TTC38: variants seen among roughly 807,000 people sequenced by gnomAD.
TTC38 encodes tetratricopeptide repeat protein 38.
TTC38 carries 64 observed loss-of-function variants against 64.2 expected under a neutral mutation model. The observed-to-expected ratio is 1.00, with a 90% confidence interval of 0.81 to 1.23. The LOEUF (loss-of-function observed/expected upper bound fraction) is 1.23. Ranked by LOEUF, TTC38 falls within the 50% of genes most tolerant of loss-of-function variation. The pLI is 0.00. For synonymous variants in TTC38, 254 were observed against 249.3 expected, an observed-to-expected ratio of 1.02 and a Z score of -0.18; for missense variants, 573 against 615.5, an observed-to-expected ratio of 0.93 and a Z score of 0.73.
chr22:46,268,168 CG>C lies in TTC38; in HGVS notation c.33+100del, dbSNP rs1936804188. The C allele has an allele frequency of 5.0e-6, 7 of 1,392,528 alleles. No homozygotes were observed. In the Admixed American group the frequency reaches 1.5e-4, roughly 30 times the overall value. 86.3% of individuals were successfully genotyped at this position (1,392,528 alleles called of 1,614,324 possible). A position where few individuals can be genotyped will look rare whatever the true frequency, so the allele number is the denominator to read the frequency against. ...AATAACGGGAGACATGGCCCGGGCG[CG>C]GGGCGTGGGGTGAGCCCTGGGCGCA... On this transcript the variant is annotated intron_variant, in intron 1 of 13. Coordinates refer to ENST00000381031, the MANE Select transcript of TTC38 (RefSeq NM_017931.4).
At position 46,271,778 on chromosome 22, in the gene TTC38, T is replaced by C. The variant is rs962098723; in HGVS notation, c.112-557T>C. On this transcript the variant is annotated intron_variant, in intron 2 of 13. Coordinates refer to ENST00000381031, the MANE Select transcript of TTC38 (RefSeq NM_017931.4). This position sits in a 1 kb window ranked among gnomAD's most constrained non-coding sequence, Gnocchi z 5.5. ...CACCCGCCTCAGTCTTCCAAAGTAC[T>C]GGGATTACAGGCGTGAGCCATCGCG... 6.6e-6 allele frequency among the ~76,000 whole-genome samples: 1 copy of C among 152,186 alleles called. No homozygotes were observed. The highest frequency in any genetic ancestry group is 6.5e-5 in the Admixed American group (1 of 15,274).
At chr22:46,268,629 A>C (rs572694414) in intron 2 of TTC38, 38 bp downstream of exon 2, 118 of 1,591,910 alleles carry the variant, frequency 7.4e-5, no homozygotes, top group Admixed American at 1.0e-4. Context: ...CCTTCTGTGG[A>C]GGTCTAGGGG....
At chr22:46,278,495 G>T in intron 5 of TTC38, 91 bp from the exon 6 acceptor site, 2 of 1,101,070 alleles carry the variant, frequency 1.8e-6, no homozygotes, top group African/African-American at 1.5e-5. Flanking sequence ...AGTGCTGGCA[G>T]TTAGGACCTC....
Position 46,281,081 on chromosome 22 carries a change from G to A in TTC38, c.616-518G>A, listed in dbSNP as rs756203338. ...GATAACCTCAGAGCCAGCTGTTTCT[G>A]CACCCAGAAAGCCACGTGTCCTCAC... On this transcript the variant is annotated intron_variant, in intron 6 of 13. Transcript: ENST00000381031. This position sits in a 1 kb window ranked among gnomAD's most constrained non-coding sequence, Gnocchi z 5.2. 1.3e-4 allele frequency among the ~76,000 whole-genome samples: 20 copies of A among 152,212 alleles called. No individual in the cohort carries two copies. Among genetic ancestry groups the A allele is most frequent in the Admixed American group, 6.5e-4 (10 of 15,280 alleles).
intron 13 of TTC38, 141 bp downstream of exon 13, chr22:46,290,040 T>A: frequency 1.3e-6 from 1 of 789,388 alleles, no homozygotes; most frequent in Non-Finnish European, 2.1e-6. Context: ...TGTGGGGAAT[T>A]TGGTTCTCCT....
Position 46,268,601 on chromosome 22 carries a change from C to T in TTC38, c.111+10C>T, listed in dbSNP as rs750289252. 6.8e-6 allele frequency: 11 copies of T among 1,613,492 alleles called. No homozygotes were observed. Among genetic ancestry groups the T allele is most frequent in the Non-Finnish European group, 9.3e-6 (11 of 1,179,896 alleles). The stretch of plus-strand genomic sequence containing the variant: ...TGCCACGCTGACCCAGGTATGCCTG[C>T]CGAGAGAGGCCGCGGCCCCTTCTGT... On this transcript the variant is annotated intron_variant, in intron 2 of 13. Coordinates refer to ENST00000381031, the MANE Select transcript of TTC38 (RefSeq NM_017931.4).
intron 10 of TTC38, among the ~76,000 whole-genome samples, chr22:46,287,540 C>G (rs1227751215): frequency 3.3e-5 from 5 of 152,250 alleles, no homozygotes; most frequent in Non-Finnish European, 7.3e-5. Context: ...TTTCTCAACT[C>G]CCTGGGATTG....
chr22:46,279,925 G>A, intron 6 of TTC38: 1 of 350,008 alleles, frequency 2.9e-6, no homozygotes. Context: ...GGTAGCTGTG[G>A]CAAACCAGAT....
Position 46,293,746 on chromosome 22 carries a change from CTG to C in TTC38, c.*864_*865del, listed in dbSNP as rs972224789. The C allele has an allele frequency of 7.2e-5, 11 of 152,546 alleles. No homozygotes were observed. Among genetic ancestry groups the C allele is most frequent in the African/African-American group, 2.6e-4 (11 of 41,590 alleles). The allele number at this position is 152,546 out of a possible 1,614,324, so 9.4% of individuals were successfully genotyped here. On this transcript the variant is annotated 3_prime_UTR_variant, in exon 14 of 14. Transcript: ENST00000381031. The surrounding 1 kb of genome is among the most constrained non-coding windows in gnomAD (Gnocchi z 6.6). ...GGAGCGGGTCCTGTGAGCGCCGCCT[CTG>C]TCTCCTGCTTCCCCACTGAACGCCT...
rs1295732507 is a variant in TTC38 at position 46,290,592 on chromosome 22, GGC to G, written c.1316+695_1316+696del. Among the ~76,000 whole-genome samples the G allele has an allele frequency of 5.0e-4, 76 of 151,280 alleles. 12 individuals carry two copies. Among genetic ancestry groups the G allele is most frequent in the African/African-American group, 1.8e-3 (73 of 40,894 alleles). Reference sequence around the variant, plus strand: ...GCTGGAGGGTGAGTGTTAGGAGGGTGGCGTGGCTGGAGGGTGAGTGTTAGGAG... The same window carrying G: ...GCTGGAGGGTGAGTGTTAGGAGGGTGGTGGCTGGAGGGTGAGTGTTAGGAG... On this transcript the variant is annotated intron_variant, in intron 13 of 13. Transcript: ENST00000381031.
Position 46,268,030 on chromosome 22 carries a change from C to A in TTC38, c.-10C>A. ...CCCAGAGCTCGCGGTGGACTCCGACCCGGCGCAACATGGCCGCAGCCTCGC... is the reference window on the plus strand; with the variant it reads ...CCCAGAGCTCGCGGTGGACTCCGACACGGCGCAACATGGCCGCAGCCTCGC... On this transcript the variant is annotated 5_prime_UTR_variant, in exon 1 of 14. Coordinates refer to ENST00000381031, the MANE Select transcript of TTC38 (RefSeq NM_017931.4). 6.5e-7 allele frequency: 1 copy of A among 1,537,190 alleles called. No homozygotes were observed. The highest frequency in any genetic ancestry group is 1.9e-5 in the Admixed American group (1 of 51,554).
intron 13 of TTC38, among the ~76,000 whole-genome samples, chr22:46,290,394 C>T (rs1007410647): frequency 9.2e-5 from 14 of 152,124 alleles, no homozygotes; most frequent in South Asian, 2.1e-4. Flanking sequence ...CACGTAAACT[C>T]GCACTGAGGG....
At chr22:46,283,104 A>AT (rs202167198) in intron 7 of TTC38, among the ~76,000 whole-genome samples, 167 of 147,068 alleles carry the variant, frequency 1.1e-3, no homozygotes, top group African/African-American at 2.8e-3. Context: ...AATTAAAAAA[A>AT]TTTTTTTTTT....
chr22:46,289,980 C>A, intron 13 of TTC38, 81 bp downstream of exon 13: 1 of 1,270,032 alleles, frequency 7.9e-7, no homozygotes, highest in Non-Finnish European at 1.1e-6. Flanking sequence ...GAAGCCCCAC[C>A]ACCCTTGGCC....
At chr22:46,287,912 A>G (rs2077583102) in intron 10 of TTC38, among the ~76,000 whole-genome samples, 1 of 152,240 alleles carries the variant, frequency 6.6e-6, no homozygotes, top group Non-Finnish European at 1.5e-5. Context: ...CTACCGGGAC[A>G]TAGAAGCCAG....
chr22:46,283,825 C>G, intron 7 of TTC38, 148 bp from the exon 8 acceptor site: 1 of 507,142 alleles, frequency 2.0e-6, no homozygotes, highest in Non-Finnish European at 3.3e-6. Context: ...ACACTCCAGC[C>G]TGAGCAACAG....
At chr22:46,280,229 G>A (rs2077524008) in intron 6 of TTC38, 1 of 470,288 alleles carries the variant, frequency 2.1e-6, no homozygotes, top group African/African-American at 2.0e-5. Flanking sequence ...CAGGCGGCAG[G>A]CACAGGCACA....
rs2077620113 is a variant in TTC38, at chr22:46,292,022, G to C, written c.1317-769G>C. 6.6e-6 allele frequency among the ~76,000 whole-genome samples: 1 copy of C among 152,158 alleles called. No individual in the cohort carries two copies. The highest frequency in any genetic ancestry group is 1.5e-5 in the Non-Finnish European group (1 of 68,034). On this transcript the variant is annotated intron_variant, in intron 13 of 13. Transcript: ENST00000381031. This position sits in a 1 kb window ranked among gnomAD's most constrained non-coding sequence, Gnocchi z 6.5. ...CACAGTAGGCATGCACTGTCTCACA[G>C]TTCTGGAGGCTGGAATGTCCAGGAA...
rs1422080013 is a variant in TTC38 at position 46,275,137 on chromosome 22, A to G, written c.366-111A>G. 5 of 1,116,380 alleles carry G rather than the reference A, an allele frequency of 4.5e-6. No individual in the cohort carries two copies. The highest frequency in any genetic ancestry group is 1.6e-5 in the African/African-American group (1 of 62,502). The allele number at this position is 1,116,380 out of a possible 1,614,324, so 69.2% of individuals were successfully genotyped here. A position where few individuals can be genotyped will look rare whatever the true frequency, so the allele number is the denominator to read the frequency against. On this transcript the variant is annotated intron_variant, in intron 4 of 13. Transcript: ENST00000381031. The surrounding 1 kb of genome is among the most constrained non-coding windows in gnomAD (Gnocchi z 4.5). ...CACCCAGTCAGAAACTGATTTTTAA[A>G]AAAACACATCCATGTAGACCATGAC...
Sources: allele counts gnomAD v4.1 joint callset (sites outside exome capture counted in the v4.1 genomes callset), GRCh38; gene constraint gnomAD v4.1.1; non-coding constraint Gnocchi (gnomAD v3.1); transcripts MANE v1.5; gene names NCBI Gene and HGNC (gene_info 2026-07-23, HGNC 2026-07-21).